ZDHHC2: variants seen among roughly 807,000 people sequenced by gnomAD.
ZDHHC2 encodes the protein palmitoyltransferase ZDHHC2.
A neutral mutation model predicts 55.6 loss-of-function variants in ZDHHC2; 51 were observed. The observed-to-expected ratio is 0.92, with a 90% CI of 0.73 to 1.16. The LOEUF (loss-of-function observed/expected upper bound fraction) is 1.16. Ranked by LOEUF, ZDHHC2 falls within the 50% of genes most tolerant of loss-of-function variation. ZDHHC2 has a pLI of 0.00. For missense variants in ZDHHC2, 491 were observed against 442.4 expected (o/e 1.11, Z -0.99); for synonymous variants, 199 against 152.9 (o/e 1.30, Z -2.22).
At chr8:17,207,922 C>G in intron 7 of ZDHHC2, 38 bp from the exon 8 acceptor site, 1 of 1,413,776 alleles carries the variant, frequency 7.1e-7, no homozygotes, top group Non-Finnish European at 9.3e-7. Context: ...ATACATATCC[C>G]TTTGACAAAA....
chr8:17,186,552 A>G (rs1805721912), intron 3 of ZDHHC2, 127 bp downstream of exon 3: 1 of 559,756 alleles, frequency 1.8e-6, no homozygotes, highest in Non-Finnish European at 3.0e-6. Flanking sequence ...GATTAAAAAA[A>G]TTAGTATTTC....
intron 10 of ZDHHC2, among the ~76,000 whole-genome samples, 162 bp downstream of exon 10, chr8:17,210,642 C>T (rs2150945298): frequency 6.6e-6 from 1 of 152,026 alleles, no homozygotes; most frequent in East Asian, 1.9e-4. Flanking sequence ...ATTGAGGATA[C>T]ATTGGAAGCT....
Position 17,211,603 on chromosome 8 carries a change from C to T in ZDHHC2, c.950+1123C>T, listed in dbSNP as rs531525393. On this transcript the variant is annotated intron_variant, in intron 10 of 12. Transcript: ENST00000262096. ...CGCCCAGGATCAAGCGATCCTCCTG[C>T]CTCTGCCCTTTTAAATTGGGAATTA... 3.4e-4 allele frequency among the ~76,000 whole-genome samples: 52 copies of T among 152,186 alleles called. No individual in the cohort carries two copies. In the South Asian group the frequency reaches 0.011, roughly 32 times the overall value.
intron 7 of ZDHHC2, 76 bp from the exon 8 acceptor site, chr8:17,207,884 T>C: frequency 8.5e-7 from 1 of 1,179,822 alleles, no homozygotes; most frequent in Non-Finnish European, 1.1e-6. Flanking sequence ...AAAAAAAATC[T>C]TACTAATTTA....
intron 6 of ZDHHC2, among the ~76,000 whole-genome samples, chr8:17,202,721 T>TTATATA (rs71964858): frequency 0.02 from 2,746 of 138,004 alleles, 77 homozygotes; most frequent in African/African-American, 0.072. Context: ...TTTCTTCTAG[T>TTATATA]TATATATATA....
chr8:17,208,237 G>A (rs1220498076), intron 8 of ZDHHC2, 145 bp downstream of exon 8: 2 of 714,600 alleles, frequency 2.8e-6, no homozygotes, highest in South Asian at 2.8e-5. Flanking sequence ...TTGATATGTC[G>A]CTTAGACACA....
At chr8:17,187,611 T>A (rs1465385137) in intron 3 of ZDHHC2, among the ~76,000 whole-genome samples, 2 of 152,158 alleles carry the variant, frequency 1.3e-5, no homozygotes, top group African/African-American at 4.8e-5. Flanking sequence ...CACTTCTTTT[T>A]CTATCCCAGT....
Position 17,203,743 on chromosome 8 carries a change from C to T in ZDHHC2, c.477-1912C>T, listed in dbSNP as rs569089794. ...CAGGCTTGCATCCCCCCACTGGAACCTCTAGAGATGCAGATGTAACTGTTT... is the reference window on the plus strand; with the variant it reads ...CAGGCTTGCATCCCCCCACTGGAACTTCTAGAGATGCAGATGTAACTGTTT... On this transcript the variant is annotated intron_variant, in intron 6 of 12. Transcript: ENST00000262096. Among the ~76,000 whole-genome samples, 6 of 152,196 alleles carry T rather than the reference C, an allele frequency of 3.9e-5. No individual in the cohort carries two copies. In the East Asian group the frequency reaches 9.7e-4, roughly 25 times the overall value.
intron 1 of ZDHHC2, chr8:17,162,705 G>C (rs182584731): frequency 6.6e-6 from 1 of 152,268 alleles, no homozygotes; most frequent in Non-Finnish European, 1.5e-5. Context: ...CAAAACCAAA[G>C]CTTTCTAGCT....
intron 10 of ZDHHC2, among the ~76,000 whole-genome samples, chr8:17,211,659 T>C (rs1454098632): frequency 6.6e-6 from 1 of 152,096 alleles, no homozygotes; most frequent in Non-Finnish European, 1.5e-5. Flanking sequence ...TTAAAATCCT[T>C]TTAAATTGTC....
intron 1 of ZDHHC2, among the ~76,000 whole-genome samples, chr8:17,170,582 C>A (rs730243): frequency 0.14 from 21,702 of 152,128 alleles, 1,968 homozygotes; most frequent in Admixed American, 0.28. Flanking sequence ...GCTAACCCTG[C>A]TAGATGGTTT....
rs539475476 is a variant in ZDHHC2, at chr8:17,197,841, A to G, written c.443+190A>G. Among the ~76,000 whole-genome samples, 110 of 152,216 alleles carry G rather than the reference A, an allele frequency of 7.2e-4. 1 individual carries two copies. The highest frequency in any genetic ancestry group is 2.0e-3 in the African/African-American group (83 of 41,482). On this transcript the variant is annotated intron_variant, in intron 5 of 12. Coordinates refer to ENST00000262096, the MANE Select transcript of ZDHHC2 (RefSeq NM_016353.5). ...GGCCTAAGGCCACAGTCAAGTGTCA[A>G]TTTGCCCCCAGATTCACGGTGCCCT...
intron 1 of ZDHHC2, among the ~76,000 whole-genome samples, chr8:17,182,620 C>T (rs1047927871): frequency 2.0e-5 from 3 of 151,890 alleles, no homozygotes; most frequent in African/African-American, 7.3e-5. Flanking sequence ...TTTTGAATTA[C>T]ATTTAGGGAA....
intron 3 of ZDHHC2, among the ~76,000 whole-genome samples, 174 bp from the exon 4 acceptor site, chr8:17,195,330 A>G (rs1417641020): frequency 1.3e-5 from 2 of 152,308 alleles, no homozygotes; most frequent in East Asian, 3.9e-4. Flanking sequence ...TAGATGCATA[A>G]ATGAATGACC....
At chr8:17,184,755 T>G in intron 1 of ZDHHC2, 34 bp from the exon 2 acceptor site, 1 of 1,540,262 alleles carries the variant, frequency 6.5e-7, no homozygotes, top group Non-Finnish European at 8.7e-7. Flanking sequence ...GCCATAAGCT[T>G]CATGTAACCT....
intron 4 of ZDHHC2, 140 bp downstream of exon 4, chr8:17,195,764 C>A: frequency 8.5e-7 from 1 of 1,182,170 alleles, no homozygotes. Context: ...GCTGTTAAAT[C>A]TTTCCTGTGT....
At chr8:17,167,300 T>A (rs1044115041) in intron 1 of ZDHHC2, among the ~76,000 whole-genome samples, 2 of 145,856 alleles carry the variant, frequency 1.4e-5, no homozygotes, top group Non-Finnish European at 3.0e-5. Context: ...ACTTTTTTTT[T>A]TAACTTTTTT....
At chr8:17,209,784 C>A in intron 8 of ZDHHC2, 148 bp from the exon 9 acceptor site, 1 of 798,910 alleles carries the variant, frequency 1.3e-6, no homozygotes, top group Non-Finnish European at 1.8e-6. Context: ...CCCTATATTT[C>A]AGGGCTGTTG....
chr8:17,181,497 A>G (rs1346780666), intron 1 of ZDHHC2, among the ~76,000 whole-genome samples: 3 of 152,220 alleles, frequency 2.0e-5, no homozygotes, highest in Non-Finnish European at 2.9e-5. Context: ...AAAAATTGAA[A>G]TAACTATTAA....
Sources: gnomAD v4.1 joint callset for allele counts (sites outside exome capture counted in the v4.1 genomes callset) on GRCh38, gnomAD v4.1.1 for gene constraint, MANE v1.5 for transcripts, NCBI Gene and HGNC (gene_info 2026-07-23, HGNC 2026-07-21) for gene names.